The following FAM90A1 variants were observed in gnomAD, a reference collection of about 807,000 sequenced individuals.
FAM90A1 encodes protein FAM90A1.
FAM90A1 carries 10 observed loss-of-function variants against 14.8 expected under a neutral mutation model. That is an observed-to-expected ratio of 0.67 (90% confidence interval 0.42 to 1.14). The LOEUF (loss-of-function observed/expected upper bound fraction) is 1.14. Ranked by LOEUF, FAM90A1 falls within the 50% of genes most tolerant of loss-of-function variation. FAM90A1 has a pLI of 0.00. For missense variants in FAM90A1, 567 were observed against 602.8 expected (o/e 0.94, Z 0.62); for synonymous variants, 236 against 248.4 (o/e 0.95, Z 0.47).
chr12:8,224,788 C>T lies in FAM90A1; in HGVS notation c.45G>A (p.Val15=), dbSNP rs1591639360. The T allele has an allele frequency of 1.9e-6, 3 of 1,608,472 alleles. No homozygotes were observed. Among genetic ancestry groups the T allele is most frequent in the Non-Finnish European group, 2.5e-6 (3 of 1,179,680 alleles). The part of the protein sequence containing the change: ...RDPKPGAKRL[V]RAQTLQKQRR... ...GCTGCTTCTGGAGGGTCTGGGCTCTCACCAGTCTCTTTGCCCCAGGTTTGG... is the reference window on the plus strand; with the variant it reads ...GCTGCTTCTGGAGGGTCTGGGCTCTTACCAGTCTCTTTGCCCCAGGTTTGG... Residue 15 remains valine, a synonymous_variant, in exon 4 of 7, where the codon GTG becomes GTA. Coordinates refer to ENST00000538603, the MANE Select transcript of FAM90A1 (RefSeq NM_018088.3).
intron 5 of FAM90A1, 145 bp downstream of exon 5, chr12:8,223,871 G>C (rs1372772357): frequency 1.1e-6 from 1 of 928,710 alleles, no homozygotes; most frequent in Non-Finnish European, 1.6e-6. Flanking sequence ...GTGGAACTCC[G>C]GAAGACACAG....
Position 8,224,147 on chromosome 12 carries a change from C to T in FAM90A1, c.192G>A (p.Trp64Ter). ...AGTTCGGTGGAACCAGGGCTGCCTT[C>T]CAGCACTTCATGGGGCACCTGGTAC... is the stretch of plus-strand genomic sequence containing the variant. Reference protein sequence around the residue: ...ARSTRCPMKCWKAALVPPNFG... With the variant: ...ARSTRCPMKC The change falls in exon 5 of 7, where the codon TGG becomes TGA. Residue 64 changes from tryptophan to a stop codon, truncating the protein, a stop_gained. Transcript: ENST00000538603. LOFTEE classifies it high-confidence loss of function. 6.2e-7 allele frequency: 1 copy of T among 1,612,062 alleles called. No homozygotes were observed. Among genetic ancestry groups the T allele is most frequent in the South Asian group, 1.1e-5 (1 of 90,994 alleles).
At position 8,222,234 on chromosome 12, in the gene FAM90A1, G is replaced by A. The variant is rs749783144; in HGVS notation, c.983C>T (p.Pro328Leu). Residue 328 changes from proline to leucine, a missense_variant, in exon 7 of 7, where the codon CCG becomes CTG. By Grantham distance (98) the Pro-to-Leu change is moderately conservative. Coordinates refer to ENST00000538603, the MANE Select transcript of FAM90A1 (RefSeq NM_018088.3). ...GGCTGGCGGAGGTTGGAGATTCTCCGGGGCCCCCAGCTCACCTCCCTGGAT... is the reference window on the plus strand; with the variant it reads ...GGCTGGCGGAGGTTGGAGATTCTCCAGGGCCCCCAGCTCACCTCCCTGGAT... ...SAIQGGELGA[P>L]ENLQPPPAAT... 1.4e-5 allele frequency: 23 copies of A among 1,611,080 alleles called. No homozygotes were observed. Among genetic ancestry groups the A allele is most frequent in the African/African-American group, 9.3e-5 (7 of 74,958 alleles).
intron 3 of FAM90A1, among the ~76,000 whole-genome samples, chr12:8,225,191 G>T (rs778172641): frequency 6.6e-6 from 1 of 152,212 alleles, no homozygotes; most frequent in Admixed American, 6.5e-5. Context: ...GGTCTATCAC[G>T]ATTCACTCCG....
chr12:8,225,679 T>C (rs1189326578), intron 3 of FAM90A1, among the ~76,000 whole-genome samples, 157 bp downstream of exon 3: 3 of 152,104 alleles, frequency 2.0e-5, no homozygotes, highest in Non-Finnish European at 2.9e-5. Flanking sequence ...ACGGAAATGC[T>C]TTCTCGTTTT....
chr12:8,225,784 C>T lies in FAM90A1; in HGVS notation c.-57+52G>A, dbSNP rs770588908. On this transcript the variant is annotated intron_variant, in intron 3 of 6. Transcript: ENST00000538603. ...TTTCGGCCTCCTTTGTCTCTTTTCC[C>T]CCCCACCCCTCAGGGATTGCGTGAA... 3.5e-4 allele frequency: 53 copies of T among 152,238 alleles called. No homozygotes were observed. In the East Asian group the frequency reaches 6.2e-3, roughly 18 times the overall value. The allele number at this position is 152,238 out of a possible 1,614,324, so 9.4% of individuals were successfully genotyped here. A position where few individuals can be genotyped will look rare whatever the true frequency, so the allele number is the denominator to read the frequency against.
chr12:8,226,802 CTTTTTTTTTTT>C (rs71042351), intron 1 of FAM90A1, among the ~76,000 whole-genome samples: 1 of 79,788 alleles, frequency 1.3e-5, no homozygotes, highest in Non-Finnish European at 2.2e-5. Context: ...TCATTGATGT[CTTTTTTTTTTT>C]TTTTTTTTTT....
intron 3 of FAM90A1, among the ~76,000 whole-genome samples, chr12:8,225,200 C>T (rs77334570): frequency 7.9e-5 from 12 of 152,236 alleles, no homozygotes; most frequent in Non-Finnish European, 1.2e-4. Flanking sequence ...CGATTCACTC[C>T]GGTAGAAGAC....
rs769078269 is a variant in FAM90A1, at chr12:8,221,581, T to G, written c.*241A>C. ...GGCAACGAATCACTGGCACGGAAGC[T>G]TTTCCTGGCGCGTTTCCAGAGAACC... On this transcript the variant is annotated 3_prime_UTR_variant, in exon 7 of 7. Transcript: ENST00000538603. 2.3e-4 allele frequency: 132 copies of G among 583,176 alleles called. 1 individual carries two copies. Among genetic ancestry groups the G allele is most frequent in the African/African-American group, 2.2e-3 (118 of 53,084 alleles). 36.1% of individuals were successfully genotyped at this position (583,176 alleles called of 1,614,324 possible).
intron 3 of FAM90A1, 47 bp downstream of exon 3, chr12:8,225,789 A>ACACCCCCCGCAAAAC (rs1565431447): frequency 6.6e-6 from 1 of 151,602 alleles, no homozygotes; most frequent in Non-Finnish European, 1.5e-5. Context: ...TTTCCCCCCC[A>ACACCCCCCGCAAAAC]CCCCTCAGGG....
rs761939852 is a variant in FAM90A1 at position 8,223,527 on chromosome 12, G to C, written c.354C>G (p.Leu118=). 42 of 1,594,686 alleles carry C rather than the reference G, an allele frequency of 2.6e-5. No homozygotes were observed. Among genetic ancestry groups the C allele is most frequent in the African/African-American group, 1.3e-5 (1 of 74,774 alleles). The stretch of plus-strand genomic sequence containing the variant: ...CTGGAGGTTTCCTGGAAAATATGTG[G>C]AGGAGAGCCTTCCTCTGCGGGTCTT... The part of the protein sequence containing the change: ...RPQDPQRKAL[L]HIFSRKPPEK... Residue 118 remains leucine, a synonymous_variant, in exon 6 of 7, where the codon CTC becomes CTG. Transcript: ENST00000538603.
intron 3 of FAM90A1, 85 bp from the exon 4 acceptor site, chr12:8,224,973 T>G: frequency 9.3e-7 from 1 of 1,073,696 alleles, no homozygotes; most frequent in Non-Finnish European, 1.4e-6. Context: ...GCTAATTCCT[T>G]GCCGGTGTGG....
chr12:8,222,110 G>A lies in FAM90A1; in HGVS notation c.1107C>T (p.Cys369=). ...GDRQPPHSRP[C]LPTAQACTMS... is the part of the protein sequence containing the mutation. Reference sequence around the variant, plus strand: ...TGGTGCAGGCCTGGGCAGTAGGCAGGCAAGGTCTGCTGTGCGGAGGCTGCC... The same window carrying A: ...TGGTGCAGGCCTGGGCAGTAGGCAGACAAGGTCTGCTGTGCGGAGGCTGCC... The change falls in exon 7 of 7, where the codon TGC becomes TGT. Residue 369 remains cysteine, a synonymous_variant. Transcript: ENST00000538603. The A allele has an allele frequency of 1.2e-6, 2 of 1,611,394 alleles. No individual in the cohort carries two copies. Among genetic ancestry groups the A allele is most frequent in the Non-Finnish European group, 1.7e-6 (2 of 1,179,996 alleles).
rs769056717 is a variant in FAM90A1, at chr12:8,222,299, C to T, written c.918G>A (p.Lys306=). 7 of 1,611,322 alleles carry T rather than the reference C, an allele frequency of 4.3e-6. No individual in the cohort carries two copies. The Admixed American group carries it at 1.2e-4, about 27-fold the overall frequency. The change falls in exon 7 of 7, where the codon AAG becomes AAA. Residue 306 remains lysine, a synonymous_variant. Coordinates refer to ENST00000538603, the MANE Select transcript of FAM90A1 (RefSeq NM_018088.3). Reference sequence around the variant, plus strand: ...TCTGGAAGGGACCCAGTCTCGGTTTCTTGGGGAAGTTCAGGCAAGCCTGAA... The same window carrying T: ...TCTGGAAGGGACCCAGTCTCGGTTTTTTGGGGAAGTTCAGGCAAGCCTGAA... ...APIQACLNFP[K]KPRLGPFQIP...
At chr12:8,225,577 T>C (rs1265011360) in intron 3 of FAM90A1, among the ~76,000 whole-genome samples, 1 of 151,408 alleles carries the variant, frequency 6.6e-6, no homozygotes, top group Non-Finnish European at 1.5e-5. Flanking sequence ...CACCCTTTTT[T>C]CCAAAGTCCT....
chr12:8,223,815 C>T (rs1291089577), intron 5 of FAM90A1, among the ~76,000 whole-genome samples: 1 of 152,210 alleles, frequency 6.6e-6, no homozygotes, highest in African/African-American at 2.4e-5. Flanking sequence ...AGCGCCCCCG[C>T]CCCTCCCCGT....
chr12:8,224,986 A>C, intron 3 of FAM90A1, 98 bp from the exon 4 acceptor site: 1 of 887,402 alleles, frequency 1.1e-6, no homozygotes. Context: ...CGGTGTGGTC[A>C]TGAGGAGACC....
rs757971003 is a variant in FAM90A1, at chr12:8,221,860, G to A, written c.1357C>T (p.Pro453Ser). ...GAATCGCTGTCCTCTGAGGAGGAGG[G>A]AACCTGAAGGTCCTCATAGAGGACG... ...PSVLYEDLQV[P>S]SSSEDSDSDL... is the part of the protein sequence containing the mutation. Residue 453 changes from proline (P) to serine (S), a missense_variant, in exon 7 of 7, where the codon CCC becomes TCC. Physicochemically the swap from Pro to Ser is moderately conservative, Grantham distance 74. Coordinates refer to ENST00000538603, the MANE Select transcript of FAM90A1 (RefSeq NM_018088.3). 94 of 1,596,368 alleles carry A rather than the reference G, an allele frequency of 5.9e-5. No homozygotes were observed. The highest frequency in any genetic ancestry group is 7.3e-5 in the Non-Finnish European group (86 of 1,179,690).
chr12:8,226,199 A>G (rs1948939347), intron 2 of FAM90A1, 73 bp downstream of exon 2: 1 of 152,192 alleles, frequency 6.6e-6, no homozygotes, highest in Non-Finnish European at 1.5e-5. Context: ...TGGTGCCTGT[A>G]CCCCTGTCTT....
Sources: allele counts gnomAD v4.1 joint callset (sites outside exome capture counted in the v4.1 genomes callset), GRCh38; gene constraint gnomAD v4.1.1; transcripts MANE v1.5; gene names NCBI Gene and HGNC (gene_info 2026-07-23, HGNC 2026-07-21).